Variants in KIAA1328 observed in about 807,000 individuals in gnomAD.
The protein encoded by KIAA1328 is KIAA1328, also known as protein hinderin.
KIAA1328 carries 52 observed loss-of-function variants against 68.1 expected under a neutral mutation model. That is an observed-to-expected ratio of 0.76 (90% CI 0.61 to 0.96). The LOEUF (loss-of-function observed/expected upper bound fraction) is 0.96. KIAA1328 is among the 40% of genes least tolerant of loss of function. The pLI, the probability that KIAA1328 is intolerant of heterozygous loss-of-function variation, is 0.00. For missense variants in KIAA1328, 641 were observed against 677.6 expected (o/e 0.95, Z 0.60); for synonymous variants, 232 against 239.4 (o/e 0.97, Z 0.28).
At chr18:36,938,397 CTTCTT>C (rs1395621637) in intron 5 of KIAA1328, among the ~76,000 whole-genome samples, 1 of 152,122 alleles carries the variant, frequency 6.6e-6, no homozygotes, top group Non-Finnish European at 1.5e-5. Context: ...ATCTGTAGGT[CTTCTT>C]TTGAGAAAAG....
chr18:37,010,763 G>C (rs929961664), intron 6 of KIAA1328, among the ~76,000 whole-genome samples: 5 of 152,090 alleles, frequency 3.3e-5, no homozygotes, highest in African/African-American at 1.2e-4. Flanking sequence ...GTCTAACCTT[G>C]GAACCTGATT....
chr18:37,123,408 A>T (rs1209496487), intron 7 of KIAA1328, among the ~76,000 whole-genome samples: 2 of 152,176 alleles, frequency 1.3e-5, no homozygotes, highest in African/African-American at 4.8e-5. Flanking sequence ...TGATTTTCTG[A>T]CCTGCAACTC....
intron 5 of KIAA1328, among the ~76,000 whole-genome samples, chr18:36,930,064 A>G (rs1271261442): frequency 2.6e-5 from 4 of 152,094 alleles, no homozygotes; most frequent in African/African-American, 9.7e-5. Flanking sequence ...TATTTCTTGT[A>G]AGCCACTGGT....
intron 5 of KIAA1328, among the ~76,000 whole-genome samples, chr18:36,933,766 T>G (rs1244331144): frequency 2.0e-5 from 3 of 152,134 alleles, no homozygotes; most frequent in Non-Finnish European, 4.4e-5. Flanking sequence ...GAGGCTGCAT[T>G]GTACACACGC....
chr18:37,118,908 A>G (rs2058194813), intron 7 of KIAA1328, among the ~76,000 whole-genome samples: 1 of 152,202 alleles, frequency 6.6e-6, no homozygotes, highest in Admixed American at 6.5e-5. Context: ...ACCTTTCCCT[A>G]GTCCCACAAG....
intron 5 of KIAA1328, among the ~76,000 whole-genome samples, chr18:36,936,929 C>T (rs183063747): frequency 6.2e-4 from 95 of 152,054 alleles, no homozygotes; most frequent in Non-Finnish European, 9.9e-4. Flanking sequence ...ACAAAGCTGG[C>T]GGCATGATGC....
At chr18:37,155,514 G>T (rs866317299) in intron 7 of KIAA1328, among the ~76,000 whole-genome samples, 20 of 152,168 alleles carry the variant, frequency 1.3e-4, no homozygotes, top group Admixed American at 2.6e-4. Context: ...CTTAAACTAT[G>T]TCTTTCCGTT....
At chr18:36,970,367 C>G (rs181984658) in intron 6 of KIAA1328, among the ~76,000 whole-genome samples, 2 of 152,272 alleles carry the variant, frequency 1.3e-5, no homozygotes, top group Non-Finnish European at 2.9e-5. Flanking sequence ...TGGGGAAAAG[C>G]TGGAAGCATT....
intron 6 of KIAA1328, among the ~76,000 whole-genome samples, chr18:37,014,101 T>C (rs1200145458): frequency 1.3e-5 from 2 of 152,234 alleles, no homozygotes; most frequent in Non-Finnish European, 2.9e-5. Context: ...TGATTAGTGA[T>C]GATGTGAATT....
chr18:37,142,060 TAGAA>T (rs1193635079), intron 7 of KIAA1328, among the ~76,000 whole-genome samples: 5 of 152,232 alleles, frequency 3.3e-5, no homozygotes, highest in Admixed American at 2.6e-4. Context: ...TGATGAAAGT[TAGAA>T]AGATATTCTG....
chr18:36,835,356 G>A lies in KIAA1328; in HGVS notation c.217G>A (p.Gly73Arg), dbSNP rs756674382. ...SISMESLKGTGDSVDEQNSCR... is the reference protein window; with the variant it reads ...SISMESLKGTRDSVDEQNSCR... ...CTCCATGGAGTCCTTAAAAGGCACAGGAGATTCAGTAGATGAACAGGTTAG... is the reference window on the plus strand; with the variant it reads ...CTCCATGGAGTCCTTAAAAGGCACAAGAGATTCAGTAGATGAACAGGTTAG... Residue 73 changes from glycine (G) to arginine (R), a missense_variant, in exon 3 of 10, where the codon GGA (glycine) becomes AGA (arginine). Transcript: ENST00000280020. The A allele has an allele frequency of 1.2e-6, 2 of 1,612,324 alleles. No individual in the cohort carries two copies. Among genetic ancestry groups the A allele is most frequent in the South Asian group, 2.2e-5 (2 of 90,694 alleles).
intron 7 of KIAA1328, among the ~76,000 whole-genome samples, chr18:37,158,935 C>T (rs1283760885): frequency 6.6e-6 from 1 of 151,908 alleles, no homozygotes; most frequent in African/African-American, 2.4e-5. Context: ...ATAACATTCA[C>T]AATAAGGTAC....
chr18:37,102,506 G>GA (rs1343346242), intron 7 of KIAA1328, among the ~76,000 whole-genome samples: 1 of 151,914 alleles, frequency 6.6e-6, no homozygotes, highest in Non-Finnish European at 1.5e-5. Flanking sequence ...AATAGACAGA[G>GA]AAAAAAACTC....
chr18:37,159,715 G>A (rs772354654), intron 7 of KIAA1328, among the ~76,000 whole-genome samples: 1 of 152,008 alleles, frequency 6.6e-6, no homozygotes, highest in African/African-American at 2.4e-5. Context: ...GTTCTTCTAC[G>A]TGCACTGTTA....
chr18:36,860,813 G>A (rs575888406), intron 4 of KIAA1328, among the ~76,000 whole-genome samples: 56 of 152,042 alleles, frequency 3.7e-4, no homozygotes, highest in Non-Finnish European at 4.0e-4. Flanking sequence ...TTAGATTATG[G>A]TGATGGTTAC....
chr18:37,026,202 A>T (rs1232756408), intron 6 of KIAA1328, among the ~76,000 whole-genome samples: 1 of 152,200 alleles, frequency 6.6e-6, no homozygotes, highest in East Asian at 1.9e-4. Flanking sequence ...ATAGACCAAT[A>T]ACAGGCTCTG....
At chr18:37,212,915 C>T (rs1011529858) in intron 9 of KIAA1328, among the ~76,000 whole-genome samples, 2 of 152,044 alleles carry the variant, frequency 1.3e-5, no homozygotes, top group African/African-American at 4.8e-5. Context: ...TGGGGTTTTT[C>T]ACCATGTTGG....
rs551202595 is a variant in KIAA1328 at position 36,836,205 on chromosome 18, G to A, written c.237+829G>A. Among the ~76,000 whole-genome samples the A allele has an allele frequency of 2.6e-4, 40 of 152,184 alleles. No homozygotes were observed. The South Asian group carries it at 7.7e-3, about 29-fold the overall frequency. On this transcript the variant is annotated intron_variant, in intron 3 of 9. Transcript: ENST00000280020. ...GATTTTACTGTGATTGAATCAAAAG[G>A]CCTACTTTACGTTACTTGTACCAGT...
chr18:36,942,566 T>C (rs962230674), intron 5 of KIAA1328, among the ~76,000 whole-genome samples: 1 of 152,188 alleles, frequency 6.6e-6, no homozygotes, highest in African/African-American at 2.4e-5. Context: ...ATAAGCAATT[T>C]GGTAGAAAAA....
Sources: allele counts gnomAD v4.1 joint callset (sites outside exome capture counted in the v4.1 genomes callset), GRCh38; gene constraint gnomAD v4.1.1; transcripts MANE v1.5; gene names NCBI Gene and HGNC (gene_info 2026-07-23, HGNC 2026-07-21).